TRIO: variants seen among roughly 807,000 people sequenced by gnomAD.
TRIO encodes the protein triple functional domain protein.
A neutral mutation model predicts 351.9 loss-of-function variants in TRIO; 58 were observed. The observed-to-expected ratio is 0.16, with a 90% CI of 0.13 to 0.21. The LOEUF is 0.21. TRIO is among the 10% of genes least tolerant of loss of function. The probability of loss-of-function intolerance (pLI) is 1.00; values close to 1 mark genes in which losing one functional copy is unlikely to be tolerated. For missense variants in TRIO, 3,201 were observed against 4,027.8 expected (o/e 0.79, Z 5.56); for synonymous variants, 1,758 against 1,595.7 (o/e 1.10, Z -2.42).
chr5:14,369,965 G>A (rs1192911933), intron 18 of TRIO, among the ~76,000 whole-genome samples: 4 of 152,140 alleles, frequency 2.6e-5, no homozygotes, highest in East Asian at 1.9e-4. Context: ...CAGTGCGAGC[G>A]CCACACGGCT....
At chr5:14,212,200 A>G (rs1032537158) in intron 1 of TRIO, among the ~76,000 whole-genome samples, 3 of 152,174 alleles carry the variant, frequency 2.0e-5, no homozygotes, top group Non-Finnish European at 4.4e-5. Flanking sequence ...TATAGTTTGT[A>G]GAGTACTCAG....
chr5:14,421,639 A>C (rs894690760), intron 34 of TRIO, among the ~76,000 whole-genome samples: 1 of 150,232 alleles, frequency 6.7e-6, no homozygotes. Flanking sequence ...GTTCCCTTGC[A>C]GTGTTAGGAG....
At position 14,195,440 on chromosome 5, in the gene TRIO, T is replaced by C. The variant is rs75100143; in HGVS notation, c.157+51558T>C. 2.3e-3 allele frequency among the ~76,000 whole-genome samples: 346 copies of C among 152,312 alleles called. 1 individual carries two copies. The highest frequency in any genetic ancestry group is 3.6e-3 in the Non-Finnish European group (245 of 68,026). On this transcript the variant is annotated intron_variant, in intron 1 of 56. Coordinates refer to ENST00000344204, the MANE Select transcript of TRIO (RefSeq NM_007118.4). ...CTATGGGTGATGACATAAACTTTGG[T>C]CACATAGTTAAGATGGTGTCCGCCA... is the stretch of plus-strand genomic sequence containing the variant.
chr5:14,300,292 C>T (rs973693963), intron 7 of TRIO, among the ~76,000 whole-genome samples: 3 of 152,198 alleles, frequency 2.0e-5, no homozygotes, highest in African/African-American at 7.2e-5. Flanking sequence ...TTACTGTGAC[C>T]TCAAGCTGCA....
chr5:14,379,230 C>T (rs30772), intron 20 of TRIO, among the ~76,000 whole-genome samples: 42,200 of 152,078 alleles, frequency 0.28, 6,026 homozygotes, highest in Middle Eastern at 0.37. Context: ...ATTCTGACCA[C>T]GACACGGACC....
intron 48 of TRIO, chr5:14,489,057 C>T (rs776800016): frequency 5.2e-6 from 4 of 765,250 alleles, no homozygotes; most frequent in Admixed American, 1.7e-5. Context: ...GTAACACTTT[C>T]CTGAAGGCAT....
At position 14,270,699 on chromosome 5, in the gene TRIO, T is replaced by C. The variant is rs1006013744; in HGVS notation, c.158-126T>C. 8.4e-6 allele frequency: 6 copies of C among 716,396 alleles called. No individual in the cohort carries two copies. In the Admixed American group the frequency reaches 1.2e-4, roughly 15 times the overall value. 44.4% of individuals were successfully genotyped at this position (716,396 alleles called of 1,614,324 possible). On this transcript the variant is annotated intron_variant, in intron 1 of 56. Transcript: ENST00000344204. ...ATGGAATTTAAATGTTGTGCTATGA[T>C]CATGTTTCTTAAGTTGATTTAATGG... is the stretch of plus-strand genomic sequence containing the variant.
At chr5:14,194,823 A>G (rs921612259) in intron 1 of TRIO, among the ~76,000 whole-genome samples, 1 of 152,234 alleles carries the variant, frequency 6.6e-6, no homozygotes, top group Non-Finnish European at 1.5e-5. Context: ...AATGGTTACA[A>G]AAATTACACA....
chr5:14,291,199 C>A lies in TRIO; in HGVS notation c.1024C>A (p.Leu342Met), dbSNP rs764462386. The A allele has an allele frequency of 1.2e-6, 2 of 1,613,998 alleles. No homozygotes were observed. Among genetic ancestry groups the A allele is most frequent in the Non-Finnish European group, 8.5e-7 (1 of 1,179,922 alleles). ...RKLKLDQCFQLRLFEQDAEKM... is the reference protein window; with the variant it reads ...RKLKLDQCFQMRLFEQDAEKM... ...GCTGAAGCTGGACCAGTGCTTCCAG[C>A]TGAGGCTGTTTGAACAGGATGCTGA... is the stretch of plus-strand genomic sequence containing the variant. The change falls in exon 5 of 57, where the codon CTG (leucine) becomes ATG (methionine). Residue 342 changes from leucine (L) to methionine (M), a missense_variant. This residue lies in a region of TRIO where 349 missense variants were observed against 449.3 expected (regional missense o/e 0.78). Transcript: ENST00000344204.
intron 46 of TRIO, 38 bp downstream of exon 46, chr5:14,482,811 C>T (rs1755630364): frequency 1.4e-6 from 2 of 1,468,124 alleles, no homozygotes; most frequent in African/African-American, 1.4e-5. Context: ...TGTGCCAGCG[C>T]ATGTACCCGT....
At chr5:14,462,983 C>A in intron 36 of TRIO, 58 bp downstream of exon 36, 1 of 1,487,340 alleles carries the variant, frequency 6.7e-7, no homozygotes, top group South Asian at 1.4e-5. Flanking sequence ...AGGGCACGCT[C>A]GGTAGCTGCT....
rs16903336 is a variant in TRIO at position 14,251,221 on chromosome 5, T to C, written c.158-19604T>C. ...AAGGTTTCCTTGATTTCATAGTTGA[T>C]GATTTTAAAAGTGAAACTGTCTTGA... On this transcript the variant is annotated intron_variant, in intron 1 of 56. Coordinates refer to ENST00000344204, the MANE Select transcript of TRIO (RefSeq NM_007118.4). Among the ~76,000 whole-genome samples the C allele has an allele frequency of 7.8e-3, 1,192 of 152,298 alleles. 13 individuals are homozygous for C. Among genetic ancestry groups the C allele is most frequent in the African/African-American group, 0.027 (1,136 of 41,550 alleles).
chr5:14,366,790 C>T lies in TRIO; in HGVS notation c.2755-70C>T, dbSNP rs1744634560. ...ACTGGACTATCTTGCACGCTTGTAT[C>T]TCACCCCTGGTGGTCCACAGGATTC... On this transcript the variant is annotated intron_variant, in intron 15 of 56. Coordinates refer to ENST00000344204, the MANE Select transcript of TRIO (RefSeq NM_007118.4). The T allele has an allele frequency of 2.5e-6, 4 of 1,602,790 alleles. No homozygotes were observed. The South Asian group carries it at 4.5e-5, about 18-fold the overall frequency.
intron 11 of TRIO, among the ~76,000 whole-genome samples, chr5:14,338,584 G>A (rs914962048): frequency 6.6e-6 from 1 of 152,250 alleles, no homozygotes; most frequent in Non-Finnish European, 1.5e-5. Flanking sequence ...TATGAAAACA[G>A]ATTGTGGCAT....
Position 14,485,155 on chromosome 5 carries a change from C to A in TRIO, c.6744C>A (p.Thr2248=). The A allele has an allele frequency of 6.3e-7, 1 of 1,595,548 alleles. No homozygotes were observed. The highest frequency in any genetic ancestry group is 1.1e-5 in the South Asian group (1 of 89,992). ...CGAGGACGGGTGACGTGGTAGAGAC[C>A]TTCATTTTGCATTCATCTAGTCCAA... is the stretch of plus-strand genomic sequence containing the variant. The part of the protein sequence containing the change: ...LTSRTGDVVE[T]FILHSSSPSV... The change falls in exon 47 of 57, where the codon ACC becomes ACA. Residue 2248 remains threonine, a synonymous_variant. Coordinates refer to ENST00000344204, the MANE Select transcript of TRIO (RefSeq NM_007118.4).
intron 1 of TRIO, among the ~76,000 whole-genome samples, chr5:14,270,490 A>G (rs962440609): frequency 1.3e-5 from 2 of 152,222 alleles, no homozygotes; most frequent in South Asian, 2.1e-4. Context: ...ATTTATGTAC[A>G]TTAATCTACA....
intron 33 of TRIO, among the ~76,000 whole-genome samples, chr5:14,407,461 T>C (rs1048282831): frequency 6.6e-6 from 1 of 152,354 alleles, no homozygotes; most frequent in South Asian, 2.1e-4. Context: ...GCTCCTGTTA[T>C]GAGAAAGTCC....
intron 1 of TRIO, among the ~76,000 whole-genome samples, chr5:14,239,953 A>C (rs1794027106): frequency 6.6e-6 from 1 of 152,202 alleles, no homozygotes; most frequent in Admixed American, 6.5e-5. Context: ...ATTTAAAAGT[A>C]TTCGTATATA....
intron 3 of TRIO, among the ~76,000 whole-genome samples, chr5:14,285,991 A>G (rs1736414601): frequency 6.6e-6 from 1 of 152,182 alleles, no homozygotes; most frequent in Non-Finnish European, 1.5e-5. Context: ...GTGTTTAAGG[A>G]CACCTTAACT....
Sources: gnomAD v4.1 joint callset for allele counts (sites outside exome capture counted in the v4.1 genomes callset) on GRCh38, gnomAD v4.1.1 for gene constraint, gnomAD v4.1.1 regional missense constraint, MANE v1.5 for transcripts, NCBI Gene and HGNC (gene_info 2026-07-23, HGNC 2026-07-21) for gene names.